The following GALNT13 variants were observed in gnomAD, a reference collection of about 807,000 sequenced individuals.
GALNT13 encodes the protein UDP-GalNAc:polypeptide N-acetylgalactosaminyltransferase 13.
GALNT13 carries 28 observed loss-of-function variants against 64.2 expected under a neutral mutation model. That is an observed-to-expected ratio of 0.44 (90% confidence interval 0.32 to 0.60). The LOEUF is 0.60. GALNT13 is among the 20% of genes least tolerant of loss of function. GALNT13 has a pLI of 0.05. For missense variants in GALNT13, 577 were observed against 669.8 expected (o/e 0.86, Z 1.53); for synonymous variants, 214 against 224.6 (o/e 0.95, Z 0.42).
At chr2:154,201,295 A>G (rs1388205658) in intron 4 of GALNT13, among the ~76,000 whole-genome samples, 1 of 152,148 alleles carries the variant, frequency 6.6e-6, no homozygotes, top group Non-Finnish European at 1.5e-5. Flanking sequence ...AATTCTGTCT[A>G]GTTACACTTT....
At chr2:153,357,255 G>C in the GALNT13 span, 1 of 152,076 alleles carries the variant, frequency 6.6e-6, no homozygotes, top group Non-Finnish European at 1.5e-5. Context: ...TCTTGACTCA[G>C]AATTGGGAAC....
At chr2:153,983,055 T>A (rs1694574779) in intron 3 of GALNT13, among the ~76,000 whole-genome samples, 1 of 151,956 alleles carries the variant, frequency 6.6e-6, no homozygotes. Flanking sequence ...TAAAGTTAAT[T>A]TATCAGAAAA....
intron 4 of GALNT13, among the ~76,000 whole-genome samples, chr2:154,204,662 G>T (rs1200160681): frequency 1.3e-5 from 2 of 152,134 alleles, no homozygotes; most frequent in Non-Finnish European, 2.9e-5. Context: ...CAAAAGTCCT[G>T]AGCAATGTCT....
At chr2:153,674,281 A>G in the GALNT13 span, among the ~76,000 whole-genome samples, 1 of 152,228 alleles carries the variant, frequency 6.6e-6, no homozygotes, top group Non-Finnish European at 1.5e-5. Flanking sequence ...TGGAGGCATC[A>G]TGCTACCTGA....
the GALNT13 span, among the ~76,000 whole-genome samples, chr2:153,258,344 A>C: frequency 6.8e-6 from 1 of 146,808 alleles, no homozygotes; most frequent in East Asian, 2.0e-4. Context: ...GACTGATTTG[A>C]GTAATAGTAA....
At chr2:153,616,177 G>A in the GALNT13 span, among the ~76,000 whole-genome samples, 7 of 151,390 alleles carry the variant, frequency 4.6e-5, no homozygotes, top group Non-Finnish European at 8.9e-5. Flanking sequence ...TTTTCTCAGC[G>A]CCATTTATTG....
chr2:154,272,351 A>T (rs1158064940), intron 8 of GALNT13, among the ~76,000 whole-genome samples: 1 of 152,026 alleles, frequency 6.6e-6, no homozygotes, highest in Non-Finnish European at 1.5e-5. Context: ...ATAAGCCAGG[A>T]ATACCTGGCT....
intron 9 of GALNT13, among the ~76,000 whole-genome samples, chr2:154,373,529 AT>A (rs1260245795): frequency 1.3e-5 from 2 of 152,178 alleles, no homozygotes; most frequent in East Asian, 3.9e-4. Flanking sequence ...AAGATATATT[AT>A]TTGTTGAAGA....
chr2:153,471,927 T>C, the GALNT13 span, among the ~76,000 whole-genome samples: 5 of 152,318 alleles, frequency 3.3e-5, no homozygotes, highest in African/African-American at 1.2e-4. Context: ...GAATGTGGAA[T>C]GGGCAATGCT....
the GALNT13 span, among the ~76,000 whole-genome samples, chr2:153,327,071 G>A: frequency 1.1e-4 from 16 of 152,074 alleles, no homozygotes; most frequent in African/African-American, 3.4e-4. Context: ...GTGATGGAGC[G>A]AGACTCTGTC....
the GALNT13 span, among the ~76,000 whole-genome samples, chr2:153,383,151 T>G: frequency 1.3e-5 from 2 of 152,130 alleles, no homozygotes; most frequent in Non-Finnish European, 2.9e-5. Flanking sequence ...ACAGCAAATT[T>G]GAATTAAATA....
chr2:154,106,994 A>G (rs912953425), intron 3 of GALNT13, among the ~76,000 whole-genome samples: 4 of 152,082 alleles, frequency 2.6e-5, no homozygotes, highest in Non-Finnish European at 4.4e-5. Context: ...TTCTCACTCT[A>G]TTAGTTCCCA....
At chr2:153,585,799 A>T in the GALNT13 span, among the ~76,000 whole-genome samples, 1 of 152,162 alleles carries the variant, frequency 6.6e-6, no homozygotes, top group African/African-American at 2.4e-5. Flanking sequence ...CAGAAAAAAA[A>T]ACAGGCAAGG....
the GALNT13 span, among the ~76,000 whole-genome samples, chr2:153,111,087 A>G: frequency 1.3e-4 from 20 of 152,216 alleles, no homozygotes; most frequent in Middle Eastern, 3.4e-3. Flanking sequence ...CGTAAATGGC[A>G]CAAACTATTT....
At chr2:153,725,807 GT>G in the GALNT13 span, among the ~76,000 whole-genome samples, 1 of 111,930 alleles carries the variant, frequency 8.9e-6, no homozygotes, top group Non-Finnish European at 1.7e-5. Flanking sequence ...AAAAAGAAGT[GT>G]TTTGTGCTGA....
At chr2:153,878,203 C>T (rs1423303332) in intron 1 of GALNT13, among the ~76,000 whole-genome samples, 1 of 152,118 alleles carries the variant, frequency 6.6e-6, no homozygotes, top group Non-Finnish European at 1.5e-5. Context: ...CATGGAAGAA[C>T]TGAATCTCAA....
At chr2:153,584,121 T>A in the GALNT13 span, among the ~76,000 whole-genome samples, 3 of 152,072 alleles carry the variant, frequency 2.0e-5, no homozygotes, top group Admixed American at 2.0e-4. Flanking sequence ...TGGCTAAAAT[T>A]GTAGCTGTTG....
the GALNT13 span, among the ~76,000 whole-genome samples, chr2:153,092,046 C>A: frequency 6.6e-6 from 1 of 152,176 alleles, no homozygotes; most frequent in Non-Finnish European, 1.5e-5. Flanking sequence ...GGTCTAGTTT[C>A]ATTCTTCTGC....
At chr2:154,114,107 T>G (rs1041651592) in intron 3 of GALNT13, among the ~76,000 whole-genome samples, 2 of 152,182 alleles carry the variant, frequency 1.3e-5, no homozygotes, top group Admixed American at 6.5e-5. Context: ...CTGCATCTTT[T>G]AAGTCCTTGA....
Sources: gnomAD v4.1 joint callset for allele counts (sites outside exome capture counted in the v4.1 genomes callset) on GRCh38, gnomAD v4.1.1 for gene constraint, MANE v1.5 for transcripts, NCBI Gene and HGNC (gene_info 2026-07-23, HGNC 2026-07-21) for gene names.